The following PCSK6 variants were observed in gnomAD, a reference collection of about 807,000 sequenced individuals.
The protein encoded by PCSK6 is paired basic amino acid cleaving enzyme 4.
Under a neutral mutation model 123.3 loss-of-function variants are expected in PCSK6, and 85 were observed. The observed-to-expected ratio is 0.69, with a 90% CI of 0.58 to 0.83. The LOEUF (loss-of-function observed/expected upper bound fraction) is 0.83. Among genes scored for constraint, PCSK6 ranks in the 40% least tolerant of loss-of-function variants. The pLI, the probability that PCSK6 is intolerant of heterozygous loss-of-function variation, is 0.00. For synonymous variants in PCSK6, 508 were observed against 516.0 expected (o/e 0.98, Z 0.21); for missense variants, 1,191 against 1,282.3 (o/e 0.93, Z 1.09).
intron 1 of PCSK6, among the ~76,000 whole-genome samples, chr15:101,467,326 G>C (rs1172511556): frequency 6.6e-6 from 1 of 151,052 alleles, no homozygotes; most frequent in East Asian, 2.0e-4. Context: ...AGGCTGGAGT[G>C]CAATGGCACG....
chr15:101,325,135 G>A lies in PCSK6; in HGVS notation c.2181-89C>T, dbSNP rs1042561627. On this transcript the variant is annotated intron_variant, in intron 16 of 21. Transcript: ENST00000611716. ...CTTTGTTTCCTCTGAGGAAACGAAG[G>A]CTTCAGGAGTGAATGTCAAACATGA... is the stretch of plus-strand genomic sequence containing the variant. 81 of 898,872 alleles carry A rather than the reference G, an allele frequency of 9.0e-5. 2 individuals carry two copies. In the Admixed American group the frequency reaches 2.0e-3, roughly 22 times the overall value. The allele number at this position is 898,872 out of a possible 1,614,324, so 55.7% of individuals were successfully genotyped here.
chr15:101,489,309 GC>G (rs2058104067), intron 1 of PCSK6, 64 bp downstream of exon 1: 6 of 1,003,424 alleles, frequency 6.0e-6, no homozygotes, highest in East Asian at 1.4e-4. Context: ...CTGCGGAGGC[GC>G]CCCCCTCGCG....
At chr15:101,379,843 G>T (rs889374472) in intron 11 of PCSK6, among the ~76,000 whole-genome samples, 1 of 152,232 alleles carries the variant, frequency 6.6e-6, no homozygotes, top group Admixed American at 6.5e-5. Context: ...CGACCTGCAG[G>T]CAGGCTCAGT....
intron 15 of PCSK6, among the ~76,000 whole-genome samples, chr15:101,330,228 C>T (rs1459434412): frequency 2.0e-5 from 3 of 152,238 alleles, no homozygotes; most frequent in Non-Finnish European, 2.9e-5. Flanking sequence ...ACCTTCCTCT[C>T]CAGGGACCAT....
intron 10 of PCSK6, 154 bp downstream of exon 10, chr15:101,384,168 T>C (rs1014553480): frequency 1.4e-6 from 2 of 1,434,832 alleles, no homozygotes; most frequent in African/African-American, 2.9e-5. Flanking sequence ...GGGATACTTT[T>C]CTTAAATAGC....
Position 101,342,129 on chromosome 15 carries a change from C to CAAAAAAAA in PCSK6, c.1859-10106_1859-10099dup, listed in dbSNP as rs35083182. Among the ~76,000 whole-genome samples, 501 of 51,338 alleles carry CAAAAAAAA rather than the reference C, an allele frequency of 9.8e-3. 13 individuals are homozygous for CAAAAAAAA. The highest frequency in any genetic ancestry group is 0.014 in the Non-Finnish European group (364 of 26,314). 33.7% of individuals were successfully genotyped at this position (51,338 alleles called of 152,430 possible). On this transcript the variant is annotated intron_variant, in intron 13 of 21. Coordinates refer to ENST00000611716, the MANE Select transcript of PCSK6 (RefSeq NM_002570.5). ...TGGGAAACAGAGTAAGACCCTGTCTCAAAAAAAAAAAAAAAAAAAAAAAAG... is the reference window on the plus strand; with the variant it reads ...TGGGAAACAGAGTAAGACCCTGTCTCAAAAAAAAAAAAAAAAAAAAAAAAAAAAAAAAG...
intron 7 of PCSK6, among the ~76,000 whole-genome samples, chr15:101,393,777 A>G (rs1329218559): frequency 6.6e-6 from 1 of 152,226 alleles, no homozygotes; most frequent in African/African-American, 2.4e-5. Flanking sequence ...GATCAAAGAG[A>G]GCTAGCAGTG....
rs564318800 is a variant in PCSK6 at position 101,419,148 on chromosome 15, A to G, written c.823+8744T>C. ...GAGTTATTAATATTAAAGAGATAAA[A>G]CCACCATTATATTTACAGATAGCTA... On this transcript the variant is annotated intron_variant, in intron 6 of 21. Transcript: ENST00000611716. Among the ~76,000 whole-genome samples the G allele has an allele frequency of 3.3e-5, 5 of 152,226 alleles. No homozygotes were observed. The South Asian group carries it at 1.0e-3, about 32-fold the overall frequency.
At chr15:101,335,009 G>A (rs572061455) in intron 13 of PCSK6, among the ~76,000 whole-genome samples, 66 of 152,250 alleles carry the variant, frequency 4.3e-4, no homozygotes, top group African/African-American at 1.6e-3. Context: ...GCCTAGGCTG[G>A]AGTACAGTGG....
At chr15:101,419,464 A>G (rs2056004961) in intron 6 of PCSK6, among the ~76,000 whole-genome samples, 3 of 152,092 alleles carry the variant, frequency 2.0e-5, no homozygotes, top group Non-Finnish European at 4.4e-5. Context: ...GGAAGACTCA[A>G]TATTGTAAAG....
At chr15:101,459,492 CCCGCTG>C in intron 1 of PCSK6, among the ~76,000 whole-genome samples, 1 of 147,194 alleles carries the variant, frequency 6.8e-6, no homozygotes, top group Non-Finnish European at 1.5e-5. Flanking sequence ...GTCCACACCA[CCCGCTG>C]CCACCGTTCC....
At chr15:101,419,698 C>T (rs562735603) in intron 6 of PCSK6, among the ~76,000 whole-genome samples, 1 of 36,432 alleles carries the variant, frequency 2.7e-5, no homozygotes, top group Admixed American at 2.6e-4. Flanking sequence ...CTCTCCTAAA[C>T]TGACTGTAAT....
chr15:101,387,339 G>A (rs1037069369), intron 9 of PCSK6, among the ~76,000 whole-genome samples: 1 of 152,166 alleles, frequency 6.6e-6, no homozygotes, highest in Non-Finnish European at 1.5e-5. Context: ...TGCTGCCCGT[G>A]CAACCTGGCA....
chr15:101,318,327 G>A lies in PCSK6; in HGVS notation c.2561C>T (p.Thr854Ile), dbSNP rs770626802. ...RCGECHHTCGTCVGPGREECI... is the reference protein window; with the variant it reads ...RCGECHHTCGICVGPGREECI... ...GCAGGCGGTGAACTCACCCACGCAG[G>A]TTCCGCAGGTGTGATGGCATTCCCC... The change falls in exon 19 of 22, where the codon ACC (threonine) becomes ATC (isoleucine). Residue 854 changes from threonine to isoleucine, a missense_variant. By Grantham distance (89) the Thr-to-Ile change is moderately conservative. Around this residue, in one of 3 missense-constraint regions of PCSK6, gnomAD observed 630 missense variants for 631.4 expected, o/e 1.00. Coordinates refer to ENST00000611716, the MANE Select transcript of PCSK6 (RefSeq NM_002570.5). 5.1e-6 allele frequency: 8 copies of A among 1,556,646 alleles called. No individual in the cohort carries two copies. In the South Asian group the frequency reaches 9.5e-5, roughly 18 times the overall value.
At chr15:101,392,896 G>T (rs565061425) in intron 8 of PCSK6, among the ~76,000 whole-genome samples, 1 of 152,124 alleles carries the variant, frequency 6.6e-6, no homozygotes, top group African/African-American at 2.4e-5. Context: ...TGTGACCACA[G>T]AATTTCAGAG....
intron 11 of PCSK6, among the ~76,000 whole-genome samples, chr15:101,381,359 G>A (rs578252602): frequency 5.3e-5 from 8 of 151,444 alleles, no homozygotes; most frequent in Admixed American, 2.6e-4. Context: ...AGCAAAACTC[G>A]GTCTCAATCA....
intron 1 of PCSK6, among the ~76,000 whole-genome samples, chr15:101,451,350 CA>C (rs2141175218): frequency 6.6e-6 from 1 of 152,118 alleles, no homozygotes; most frequent in Admixed American, 6.6e-5. Flanking sequence ...GACACAGGTG[CA>C]GTTCGTAGCC....
At position 101,393,220 on chromosome 15, in the gene PCSK6, G is replaced by A. The variant is rs763084033; in HGVS notation, c.1201C>T (p.Arg401Ter). 15 of 1,612,464 alleles carry A rather than the reference G, an allele frequency of 9.3e-6. No homozygotes were observed. Among genetic ancestry groups the A allele is most frequent in the East Asian group, 2.2e-5 (1 of 44,840 alleles). ...TTYSSGAFYERKIVTTDLRQR... is the reference protein window; with the variant it reads ...TTYSSGAFYE ...TTGCCAAGAGAACTTACGATTTTTC[G>A]CTCATAAAAGGCCCCACTGCTGTAG... The change falls in exon 8 of 22, where the codon CGA becomes TGA. Residue 401 changes from arginine (R) to a stop codon, truncating the protein, a stop_gained. Transcript: ENST00000611716. LOFTEE classifies it high-confidence loss of function.
chr15:101,403,358 A>G (rs1040400722), intron 6 of PCSK6, among the ~76,000 whole-genome samples: 4 of 151,532 alleles, frequency 2.6e-5, no homozygotes, highest in Non-Finnish European at 5.9e-5. Flanking sequence ...CCAGCATGGC[A>G]CATGTACACA....
Sources: allele counts gnomAD v4.1 joint callset (sites outside exome capture counted in the v4.1 genomes callset), GRCh38; gene constraint gnomAD v4.1.1; regional missense constraint gnomAD v4.1.1; transcripts MANE v1.5; gene names NCBI Gene and HGNC (gene_info 2026-07-23, HGNC 2026-07-21).